Variants in HS6ST3 observed in about 807,000 individuals in gnomAD.
The protein encoded by HS6ST3 is heparan-sulfate 6-O-sulfotransferase 3.
Under a neutral mutation model 36.7 loss-of-function variants are expected in HS6ST3, and 12 were observed. That is an observed-to-expected ratio of 0.33 (90% confidence interval 0.21 to 0.53). The LOEUF (loss-of-function observed/expected upper bound fraction) is 0.53, where lower values mean the gene tolerates loss of function less well. Ranked by LOEUF, HS6ST3 falls within the 20% of genes least tolerant of loss-of-function variation. The probability of loss-of-function intolerance (pLI) is 0.95; values close to 1 mark genes in which losing one functional copy is unlikely to be tolerated. For missense variants in HS6ST3, 584 were observed against 640.9 expected (o/e 0.91, Z 0.96); for synonymous variants, 240 against 257.5 (o/e 0.93, Z 0.65).
chr13:96,792,850 G>A (rs1877823585), intron 1 of HS6ST3, among the ~76,000 whole-genome samples: 1 of 151,930 alleles, frequency 6.6e-6, no homozygotes, highest in South Asian at 2.1e-4. Flanking sequence ...AACTTGTGGT[G>A]GCATATGTTT....
chr13:96,799,954 ATATATATATGTGTATATATATATATATG>A lies in HS6ST3; in HGVS notation c.708-32526_708-32499del, dbSNP rs1397880361. ...TACATATATGTGTGTGTATATATAT[ATATATATATGTGTATATATATATATATG>A]TATATATATATATATGTATATATAT... is the stretch of plus-strand genomic sequence containing the variant. On this transcript the variant is annotated intron_variant, in intron 1 of 1. Transcript: ENST00000376705. 1.5e-4 allele frequency among the ~76,000 whole-genome samples: 14 copies of A among 95,614 alleles called. 1 individual carries two copies. The highest frequency in any genetic ancestry group is 4.5e-3 in the Middle Eastern group (1 of 222). 62.7% of individuals were successfully genotyped at this position (95,614 alleles called of 152,430 possible). A position where few individuals can be genotyped will look rare whatever the true frequency, so the allele number is the denominator to read the frequency against.
intron 1 of HS6ST3, among the ~76,000 whole-genome samples, chr13:96,602,131 G>A (rs1005377935): frequency 3.3e-5 from 5 of 152,176 alleles, no homozygotes. Context: ...AAGCAGGTGG[G>A]TATATGCAAT....
chr13:96,554,895 A>T lies in HS6ST3; in HGVS notation c.708-277595A>T, dbSNP rs542709269. The stretch of plus-strand genomic sequence containing the variant: ...ACCAACTCCTGGGCTCAAGTGATCC[A>T]TGGCAAAACCCTGTCTCTACAAAAC... On this transcript the variant is annotated intron_variant, in intron 1 of 1. Transcript: ENST00000376705. 2.6e-5 allele frequency among the ~76,000 whole-genome samples: 4 copies of T among 152,036 alleles called. No individual in the cohort carries two copies. The East Asian group carries it at 5.9e-4, about 22-fold the overall frequency.
chr13:96,350,327 G>C (rs768090506), intron 1 of HS6ST3, among the ~76,000 whole-genome samples: 4 of 152,178 alleles, frequency 2.6e-5, no homozygotes, highest in African/African-American at 9.6e-5. Context: ...ACATGTTATC[G>C]TCATGGTCTG....
intron 1 of HS6ST3, among the ~76,000 whole-genome samples, chr13:96,766,865 C>T (rs1358322924): frequency 6.6e-6 from 1 of 152,166 alleles, no homozygotes; most frequent in African/African-American, 2.4e-5. Flanking sequence ...CCCGTTAGAA[C>T]CCCACTGATC....
intron 1 of HS6ST3, among the ~76,000 whole-genome samples, chr13:96,461,346 C>A (rs917740183): frequency 6.6e-6 from 1 of 152,074 alleles, no homozygotes; most frequent in African/African-American, 2.4e-5. Flanking sequence ...AGAACAACAA[C>A]AAAATTTGTT....
intron 1 of HS6ST3, among the ~76,000 whole-genome samples, chr13:96,300,029 G>A (rs982594708): frequency 2.7e-5 from 4 of 148,236 alleles, no homozygotes; most frequent in African/African-American, 7.4e-5. Context: ...GAGAGAAAGC[G>A]AAGGGAAAAG....
intron 1 of HS6ST3, among the ~76,000 whole-genome samples, chr13:96,637,719 G>A (rs1391842935): frequency 6.6e-6 from 1 of 152,046 alleles, no homozygotes. Flanking sequence ...AACAAAAATG[G>A]AGGAAAGAGA....
At chr13:96,254,775 C>T (rs2054629046) in intron 1 of HS6ST3, among the ~76,000 whole-genome samples, 1 of 151,830 alleles carries the variant, frequency 6.6e-6, no homozygotes, top group Admixed American at 6.6e-5. Flanking sequence ...TTAGCAAAAC[C>T]AAAGAAAGTA....
intron 1 of HS6ST3, among the ~76,000 whole-genome samples, chr13:96,423,805 A>G (rs2055572884): frequency 6.6e-6 from 1 of 152,096 alleles, no homozygotes; most frequent in Admixed American, 6.6e-5. Flanking sequence ...TGTGTCGAGA[A>G]TAGACTAGAA....
chr13:96,684,563 G>T (rs1874717149), intron 1 of HS6ST3, among the ~76,000 whole-genome samples: 1 of 152,104 alleles, frequency 6.6e-6, no homozygotes, highest in South Asian at 2.1e-4. Context: ...TGAGAAGCAG[G>T]CCAGCTAATC....
intron 1 of HS6ST3, among the ~76,000 whole-genome samples, chr13:96,163,697 T>C (rs2054148115): frequency 6.6e-6 from 1 of 152,190 alleles, no homozygotes; most frequent in African/African-American, 2.4e-5. Context: ...AATATATCAA[T>C]AGCTTAATAA....
intron 1 of HS6ST3, among the ~76,000 whole-genome samples, chr13:96,819,688 T>C (rs543324145): frequency 6.2e-4 from 94 of 152,078 alleles, no homozygotes; most frequent in Non-Finnish European, 4.6e-4. Context: ...GCAAACTAAA[T>C]GAGCACAGGA....
At position 96,494,858 on chromosome 13, in the gene HS6ST3, T is replaced by A. The variant is rs144212394; in HGVS notation, c.708-337632T>A. Among the ~76,000 whole-genome samples the A allele has an allele frequency of 2.5e-4, 38 of 152,316 alleles. 1 individual carries two copies. The highest frequency in any genetic ancestry group is 8.4e-4 in the African/African-American group (35 of 41,566). ...ATCTGTGCTTTGGCATCACTAGTAT[T>A]GTTGGGAGATCTTCCTTTGAATCTC... On this transcript the variant is annotated intron_variant, in intron 1 of 1. Transcript: ENST00000376705.
At chr13:96,627,756 G>C (rs1395931669) in intron 1 of HS6ST3, among the ~76,000 whole-genome samples, 1 of 151,752 alleles carries the variant, frequency 6.6e-6, no homozygotes, top group Non-Finnish European at 1.5e-5. Flanking sequence ...CAGTTTTGAT[G>C]AGTTGTGTGT....
chr13:96,376,838 G>A (rs1037362205), intron 1 of HS6ST3, among the ~76,000 whole-genome samples: 1 of 151,932 alleles, frequency 6.6e-6, no homozygotes, highest in African/African-American at 2.4e-5. Flanking sequence ...AGTTAAGGGT[G>A]GGCAAGGTAG....
intron 1 of HS6ST3, among the ~76,000 whole-genome samples, chr13:96,482,960 A>G (rs190299842): frequency 2.0e-5 from 3 of 152,284 alleles, no homozygotes; most frequent in Admixed American, 1.3e-4. Context: ...TTCTTAATCC[A>G]CCAGCTGATT....
At chr13:96,799,769 CTTA>C (rs1877998268) in intron 1 of HS6ST3, among the ~76,000 whole-genome samples, 1 of 145,020 alleles carries the variant, frequency 6.9e-6, no homozygotes, top group South Asian at 2.2e-4. Context: ...TACCCTAAAA[CTTA>C]AAGTATAATA....
intron 1 of HS6ST3, among the ~76,000 whole-genome samples, chr13:96,203,979 G>A (rs2054356307): frequency 6.6e-6 from 1 of 152,040 alleles, no homozygotes; most frequent in Admixed American, 6.6e-5. Flanking sequence ...AAAAAAGGAA[G>A]CAAGCTAGCT....
Sources: gnomAD v4.1 joint callset for allele counts (sites outside exome capture counted in the v4.1 genomes callset) on GRCh38, gnomAD v4.1.1 for gene constraint, MANE v1.5 for transcripts, NCBI Gene and HGNC (gene_info 2026-07-23, HGNC 2026-07-21) for gene names.